The following ADAMTS19 variants were observed in gnomAD, a reference collection of about 807,000 sequenced individuals.
The protein encoded by ADAMTS19 is ADAM metallopeptidase with thrombospondin type 1 motif 19, also known as A disintegrin and metalloproteinase with thrombospondin motifs 19.
ADAMTS19 carries 93 observed loss-of-function variants against 153.3 expected under a neutral mutation model. The ratio of observed to expected loss-of-function variants is 0.61; its 90% CI spans 0.51 to 0.72. The LOEUF (loss-of-function observed/expected upper bound fraction) is 0.72, where lower values mean the gene tolerates loss of function less well. Ranked by LOEUF, ADAMTS19 falls within the 30% of genes least tolerant of loss-of-function variation. The pLI is 0.00. For synonymous variants in ADAMTS19, 600 were observed against 556.6 expected, an observed-to-expected ratio of 1.08 and a Z score of -1.10; for missense variants, 1,482 against 1,552.1, an observed-to-expected ratio of 0.95 and a Z score of 0.76.
intron 3 of ADAMTS19, among the ~76,000 whole-genome samples, chr5:129,514,384 T>C (rs575142977): frequency 9.8e-4 from 149 of 152,246 alleles, no homozygotes; most frequent in African/African-American, 3.5e-3. Flanking sequence ...ATAGTGGTTT[T>C]ACTAATTTAC....
At chr5:129,715,788 A>AC (rs1756698240) in intron 21 of ADAMTS19, among the ~76,000 whole-genome samples, 1 of 152,196 alleles carries the variant, frequency 6.6e-6, no homozygotes, top group East Asian at 1.9e-4. Context: ...TCAGATAGTT[A>AC]AATACTGGTG....
intron 8 of ADAMTS19, among the ~76,000 whole-genome samples, chr5:129,613,093 C>G (rs558996398): frequency 4.5e-4 from 68 of 152,212 alleles, no homozygotes; most frequent in African/African-American, 1.6e-3. Flanking sequence ...TAATGGGAGA[C>G]TTTAACACCC....
chr5:129,570,352 T>A (rs3943969), intron 7 of ADAMTS19, among the ~76,000 whole-genome samples: 126,840 of 151,744 alleles, frequency 0.84, 53,249 homozygotes, highest in Non-Finnish European at 0.88. Context: ...TTCATTGAAA[T>A]CCTCAAACAA....
At chr5:129,504,603 G>A (rs927742817) in intron 2 of ADAMTS19, among the ~76,000 whole-genome samples, 1 of 151,936 alleles carries the variant, frequency 6.6e-6, no homozygotes, top group Non-Finnish European at 1.5e-5. Flanking sequence ...TAAATCTCTT[G>A]AAGTTATTCC....
chr5:129,481,304 A>G (rs768452366), intron 2 of ADAMTS19, among the ~76,000 whole-genome samples: 8 of 152,244 alleles, frequency 5.3e-5, no homozygotes, highest in Non-Finnish European at 8.8e-5. Flanking sequence ...AAATTATCAT[A>G]TCTTGTGAGA....
chr5:129,528,491 G>T, intron 5 of ADAMTS19, 29 bp from the exon 6 acceptor site: 2 of 1,521,256 alleles, frequency 1.3e-6, no homozygotes, highest in Non-Finnish European at 1.8e-6. Flanking sequence ...AGAATAATAT[G>T]CCTTGTGATG....
chr5:129,572,760 G>A lies in ADAMTS19; in HGVS notation c.1372+20853G>A, dbSNP rs141866932. ...GAGTGATTACTATTGATGAGGGAGAGGGGAGGCTGTAAGTTTACAGGAATA... is the reference window on the plus strand; with the variant it reads ...GAGTGATTACTATTGATGAGGGAGAAGGGAGGCTGTAAGTTTACAGGAATA... On this transcript the variant is annotated intron_variant, in intron 7 of 22. Transcript: ENST00000274487. Among the ~76,000 whole-genome samples, 180 of 151,992 alleles carry A rather than the reference G, an allele frequency of 1.2e-3. 1 individual carries two copies. The highest frequency in any genetic ancestry group is 4.1e-3 in the African/African-American group (172 of 41,500).
intron 6 of ADAMTS19, among the ~76,000 whole-genome samples, chr5:129,537,287 A>T (rs545268303): frequency 1.3e-5 from 2 of 152,236 alleles, no homozygotes; most frequent in South Asian, 4.1e-4. Context: ...CAGGTGCTGG[A>T]GAGGATGTGG....
At chr5:129,496,234 A>G (rs1750924792) in intron 2 of ADAMTS19, among the ~76,000 whole-genome samples, 2 of 152,114 alleles carry the variant, frequency 1.3e-5, no homozygotes, top group African/African-American at 4.8e-5. Context: ...CATTTTGCTG[A>G]TGGTGCAAGT....
chr5:129,460,550 C>G, intron 1 of ADAMTS19, 68 bp downstream of exon 1: 3 of 1,583,616 alleles, frequency 1.9e-6, no homozygotes, highest in South Asian at 2.2e-5. Context: ...ACGTACGGGT[C>G]GGCAGGGCTG....
At chr5:129,642,576 G>C (rs544781112) in intron 11 of ADAMTS19, among the ~76,000 whole-genome samples, 22 of 152,212 alleles carry the variant, frequency 1.4e-4, no homozygotes, top group African/African-American at 5.1e-4. Context: ...AATAATTATG[G>C]TTAACATAAT....
chr5:129,583,360 A>G (rs1050968078), intron 7 of ADAMTS19, among the ~76,000 whole-genome samples: 2 of 151,318 alleles, frequency 1.3e-5, no homozygotes, highest in African/African-American at 4.9e-5. Flanking sequence ...CTTCATTTCA[A>G]CCTTGGTGAA....
At chr5:129,605,551 C>T (rs1557799) in intron 8 of ADAMTS19, among the ~76,000 whole-genome samples, 2 of 152,290 alleles carry the variant, frequency 1.3e-5, no homozygotes, top group South Asian at 4.1e-4. Flanking sequence ...TAAGCACAAC[C>T]ACTGTCTGGC....
chr5:129,608,116 G>GTGTGTGTATATATATATATATATA lies in ADAMTS19; in HGVS notation c.1478+11453_1478+11454insGTGTGTATATATATATATATATAT, dbSNP rs377008786. 2.7e-4 allele frequency among the ~76,000 whole-genome samples: 13 copies of GTGTGTGTATATATATATATATATA among 47,944 alleles called. 1 individual carries two copies. Among genetic ancestry groups the GTGTGTGTATATATATATATATATA allele is most frequent in the Non-Finnish European group, 5.5e-4 (11 of 20,122 alleles). 31.5% of individuals were successfully genotyped at this position (47,944 alleles called of 152,430 possible). A position where few individuals can be genotyped will look rare whatever the true frequency, so the allele number is the denominator to read the frequency against. On this transcript the variant is annotated intron_variant, in intron 8 of 22. Transcript: ENST00000274487. Reference sequence around the variant, plus strand: ...TGTGTGTGTGTGTGTGTGTGTGTGTGTATATATATATATATATATATATAA... The same window carrying GTGTGTGTATATATATATATATATA: ...TGTGTGTGTGTGTGTGTGTGTGTGTGTGTGTGTATATATATATATATATATATATATATATATATATATATATAA...
At chr5:129,672,501 CA>C (rs1754347399) in intron 16 of ADAMTS19, among the ~76,000 whole-genome samples, 2 of 152,204 alleles carry the variant, frequency 1.3e-5, no homozygotes, top group South Asian at 4.1e-4. Flanking sequence ...GGACAGAAAA[CA>C]AAACCTAAGG....
intron 6 of ADAMTS19, among the ~76,000 whole-genome samples, chr5:129,537,325 G>T (rs1002779041): frequency 6.6e-6 from 1 of 152,158 alleles, no homozygotes; most frequent in Non-Finnish European, 1.5e-5. Flanking sequence ...TACATTGTTG[G>T]TGGGACTGTA....
chr5:129,508,062 A>G (rs1751322520), intron 2 of ADAMTS19, among the ~76,000 whole-genome samples: 1 of 151,992 alleles, frequency 6.6e-6, no homozygotes, highest in South Asian at 2.1e-4. Flanking sequence ...TTAGAAAATA[A>G]TTATATTATT....
rs571090597 is a variant in ADAMTS19 at position 129,670,183 on chromosome 5, T to G, written c.2506+4604T>G. 1.1e-4 allele frequency among the ~76,000 whole-genome samples: 16 copies of G among 152,302 alleles called. 1 individual carries two copies. In the South Asian group the frequency reaches 2.7e-3, roughly 26 times the overall value. On this transcript the variant is annotated intron_variant, in intron 16 of 22. Coordinates refer to ENST00000274487, the MANE Select transcript of ADAMTS19 (RefSeq NM_133638.6). ...CTGTATTACATTGTCCTGCTTTATT[T>G]TCTGTATTGCATATCCTTGTCTGAA...
chr5:129,518,748 C>G (rs889833100), intron 3 of ADAMTS19, among the ~76,000 whole-genome samples: 3 of 151,858 alleles, frequency 2.0e-5, no homozygotes, highest in African/African-American at 7.3e-5. Context: ...TTGGGAAGTT[C>G]TCTGTTATTT....
Sources: allele counts gnomAD v4.1 joint callset (sites outside exome capture counted in the v4.1 genomes callset), GRCh38; gene constraint gnomAD v4.1.1; transcripts MANE v1.5; gene names NCBI Gene and HGNC (gene_info 2026-07-23, HGNC 2026-07-21).